Variants in ECT2L observed in about 807,000 individuals in gnomAD.
The protein encoded by ECT2L is epithelial cell transforming 2 like.
Under a neutral mutation model 122.8 loss-of-function variants are expected in ECT2L, and 126 were observed. The observed-to-expected ratio is 1.03, with a 90% CI of 0.89 to 1.19. The LOEUF (loss-of-function observed/expected upper bound fraction) is 1.19, where lower values mean the gene tolerates loss of function less well. Among genes scored for constraint, ECT2L ranks in the 50% most tolerant of loss-of-function variants. The probability of loss-of-function intolerance (pLI) is 0.00; values close to 1 mark genes in which losing one functional copy is unlikely to be tolerated. For synonymous variants in ECT2L, 385 were observed against 381.8 expected (o/e 1.01, Z -0.10); for missense variants, 1,012 against 1,064.1 (o/e 0.95, Z 0.68).
At position 138,902,590 on chromosome 6, in the gene ECT2L, T is replaced by C. The variant is rs201248346; in HGVS notation, c.2678T>C (p.Val893Ala). 5.3e-5 allele frequency: 85 copies of C among 1,613,980 alleles called. No individual in the cohort carries two copies. The African/African-American group carries it at 1.1e-3, about 20-fold the overall frequency. The part of the protein sequence containing the change: ...IEDDKFLWLS[V>A]LRNAIKSSME... ...GATGATAAGTTCCTATGGCTGTCAG[T>C]ACTTCGAAATGCAATCAAAAGCAGT... is the stretch of plus-strand genomic sequence containing the variant. Residue 893 changes from valine (V) to alanine (A), a missense_variant, in exon 22 of 22, where the codon GTA becomes GCA. Val to Ala is a moderately conservative substitution (Grantham distance 64, BLOSUM62 0). Coordinates refer to ENST00000541398, the MANE Select transcript of ECT2L (RefSeq NM_001077706.3).
Position 138,888,168 on chromosome 6 carries a change from T to C in ECT2L, c.2326-775T>C, listed in dbSNP as rs923174709. Among the ~76,000 whole-genome samples the C allele has an allele frequency of 2.0e-5, 3 of 151,844 alleles. No homozygotes were observed. The South Asian group carries it at 6.2e-4, about 32-fold the overall frequency. On this transcript the variant is annotated intron_variant, in intron 19 of 21. Coordinates refer to ENST00000541398, the MANE Select transcript of ECT2L (RefSeq NM_001077706.3). Reference sequence around the variant, plus strand: ...GTAGGGAAAGATAATTGAGGTTGATTGGTTTGCAAAGATCCAAATTCTTGA... The same window carrying C: ...GTAGGGAAAGATAATTGAGGTTGATCGGTTTGCAAAGATCCAAATTCTTGA...
At chr6:138,877,115 C>A (rs1373617519) in intron 14 of ECT2L, among the ~76,000 whole-genome samples, 3 of 152,172 alleles carry the variant, frequency 2.0e-5, no homozygotes, top group African/African-American at 4.8e-5. Context: ...ACATCCCTAG[C>A]CACATTTTAT....
intron 13 of ECT2L, among the ~76,000 whole-genome samples, chr6:138,874,004 TATA>T (rs2128403839): frequency 6.6e-6 from 1 of 152,174 alleles, no homozygotes; most frequent in Non-Finnish European, 1.5e-5. Context: ...TTTGTCTGCC[TATA>T]ATGTTTACAC....
At chr6:138,830,032 T>C (rs1477623144) in intron 4 of ECT2L, among the ~76,000 whole-genome samples, 5 of 152,214 alleles carry the variant, frequency 3.3e-5, no homozygotes, top group African/African-American at 1.2e-4. Flanking sequence ...CCTAAATTTC[T>C]GTGTTTTAGA....
chr6:138,849,339 TTCTG>T lies in ECT2L; in HGVS notation c.976_979del (p.Leu326IlefsTer3). 1 of 1,614,104 alleles carries T rather than the reference TTCTG, an allele frequency of 6.2e-7. No homozygotes were observed. The highest frequency in any genetic ancestry group is 8.5e-7 in the Non-Finnish European group (1 of 1,180,006). On this transcript the variant is annotated frameshift_variant, in exon 9 of 22. Transcript: ENST00000541398. LOFTEE classifies it high-confidence loss of function. The stretch of plus-strand genomic sequence containing the variant: ...GAACACAGCGTAACCTTGGAAAGCC[TTCTG>T]TATCTTATAGAAAAAGCTCTGGATG...
chr6:138,838,867 C>T (rs1285639706), intron 5 of ECT2L, among the ~76,000 whole-genome samples: 7 of 152,184 alleles, frequency 4.6e-5, no homozygotes, highest in African/African-American at 9.7e-5. Context: ...CAACCTCCTC[C>T]GCCTCCTGGG....
chr6:138,849,976 C>T (rs1267234588), intron 9 of ECT2L, among the ~76,000 whole-genome samples: 1 of 152,090 alleles, frequency 6.6e-6, no homozygotes, highest in African/African-American at 2.4e-5. Context: ...AAACAGCTCT[C>T]CAAAAATTTT....
In ECT2L at chr6:138,901,087, C is replaced by T. The variant is rs200833857; in HGVS notation, c.2554C>T (p.Arg852Trp). ...GTTCATTGCATCAGTGGCCCTTCATCGGTTACTCATAGAAAATATTCCAGA... is the reference window on the plus strand; with the variant it reads ...GTTCATTGCATCAGTGGCCCTTCATTGGTTACTCATAGAAAATATTCCAGA... ...YQFIASVALH[R>W]LLIENIPDSK... The change falls in exon 21 of 22, where the codon CGG becomes TGG. Residue 852 changes from arginine (R) to tryptophan (W), a missense_variant. Physicochemically the swap from Arg to Trp is moderately radical, Grantham distance 101. Coordinates refer to ENST00000541398, the MANE Select transcript of ECT2L (RefSeq NM_001077706.3). 626 of 1,614,054 alleles carry T rather than the reference C, an allele frequency of 3.9e-4. 2 individuals carry two copies. The highest frequency in any genetic ancestry group is 9.3e-4 in the Admixed American group (56 of 60,014).
intron 2 of ECT2L, 73 bp downstream of exon 2, chr6:138,813,050 C>T (rs865937784): frequency 1.1e-4 from 44 of 401,230 alleles, no homozygotes; most frequent in Middle Eastern, 1.3e-3. Flanking sequence ...TTATCATATA[C>T]ACAGATGAAT....
At chr6:138,801,446 T>C (rs1390511277) in intron 1 of ECT2L, among the ~76,000 whole-genome samples, 3 of 152,118 alleles carry the variant, frequency 2.0e-5, no homozygotes, top group African/African-American at 7.2e-5. Context: ...TTAATTTTGT[T>C]GTAGCCAAAA....
intron 20 of ECT2L, among the ~76,000 whole-genome samples, chr6:138,895,388 G>A (rs899118583): frequency 1.3e-5 from 2 of 152,054 alleles, no homozygotes; most frequent in Admixed American, 6.6e-5. Context: ...CCACGTTATG[G>A]GTGGGCAATC....
intron 20 of ECT2L, among the ~76,000 whole-genome samples, chr6:138,892,504 T>G (rs1779063593): frequency 6.6e-6 from 1 of 152,138 alleles, no homozygotes; most frequent in Non-Finnish European, 1.5e-5. Context: ...CCCTTATAAT[T>G]TTTTTGAAAC....
chr6:138,863,073 A>C (rs573726090), intron 11 of ECT2L, among the ~76,000 whole-genome samples: 2 of 152,350 alleles, frequency 1.3e-5, no homozygotes, highest in Non-Finnish European at 2.9e-5. Context: ...ATTTGGAAAA[A>C]TAAATCGTAG....
intron 19 of ECT2L, among the ~76,000 whole-genome samples, chr6:138,888,658 A>G (rs1778912998): frequency 6.6e-6 from 1 of 151,684 alleles, no homozygotes; most frequent in Non-Finnish European, 1.5e-5. Flanking sequence ...CCAACCCCCA[A>G]CTTTGTTTTT....
chr6:138,886,971 T>C, intron 19 of ECT2L, 49 bp downstream of exon 19: 1 of 1,503,362 alleles, frequency 6.7e-7, no homozygotes, highest in Non-Finnish European at 9.2e-7. Context: ...GAATACAACC[T>C]CCAGTCTTTT....
At chr6:138,887,472 C>T (rs369448006) in intron 19 of ECT2L, among the ~76,000 whole-genome samples, 21 of 152,230 alleles carry the variant, frequency 1.4e-4, no homozygotes, top group South Asian at 1.0e-3. Context: ...GTGATCTGCC[C>T]GCCTCGGCCT....
intron 20 of ECT2L, among the ~76,000 whole-genome samples, chr6:138,899,441 G>GTA (rs780382995): frequency 1.4e-5 from 2 of 148,010 alleles, no homozygotes; most frequent in East Asian, 3.9e-4. Flanking sequence ...TACATAGATT[G>GTA]TGTGTGTGTG....
chr6:138,886,460 T>A (rs1003879008), intron 18 of ECT2L, among the ~76,000 whole-genome samples: 7 of 152,026 alleles, frequency 4.6e-5, no homozygotes, highest in Non-Finnish European at 7.4e-5. Flanking sequence ...AAGGCTTGAG[T>A]GTAGTGGTGT....
chr6:138,805,729 A>C (rs1399519893), intron 1 of ECT2L, among the ~76,000 whole-genome samples: 1 of 152,230 alleles, frequency 6.6e-6, no homozygotes, highest in South Asian at 2.1e-4. Flanking sequence ...ATCCCAGCCC[A>C]GGCTTATTTA....
Sources: gnomAD v4.1 joint callset for allele counts (sites outside exome capture counted in the v4.1 genomes callset) on GRCh38, gnomAD v4.1.1 for gene constraint, MANE v1.5 for transcripts, NCBI Gene and HGNC (gene_info 2026-07-23, HGNC 2026-07-21) for gene names.